PTPRA: variants seen among roughly 807,000 people sequenced by gnomAD.
The protein encoded by PTPRA is protein tyrosine phosphatase receptor type A.
Under a neutral mutation model 104.8 loss-of-function variants are expected in PTPRA, and 25 were observed. The observed-to-expected ratio is 0.24, with a 90% CI of 0.17 to 0.33. The LOEUF (loss-of-function observed/expected upper bound fraction) is 0.33. PTPRA is among the 10% of genes least tolerant of loss of function. The probability of loss-of-function intolerance (pLI) is 1.00; values close to 1 mark genes in which losing one functional copy is unlikely to be tolerated. For synonymous variants in PTPRA, 323 were observed against 368.9 expected (o/e 0.88, Z 1.43); for missense variants, 765 against 1,015.3 (o/e 0.75, Z 3.35).
intron 1 of PTPRA, among the ~76,000 whole-genome samples, chr20:2,915,487 A>G (rs1426583457): frequency 1.3e-4 from 2 of 14,872 alleles, no homozygotes; most frequent in Non-Finnish European, 2.3e-4. Context: ...ACTGAATTGT[A>G]AGAGTTCTTT....
intron 5 of PTPRA, among the ~76,000 whole-genome samples, chr20:2,970,979 A>G (rs2062162159): frequency 6.6e-6 from 1 of 152,130 alleles, no homozygotes; most frequent in Non-Finnish European, 1.5e-5. Context: ...GAATTCAGAT[A>G]TTTATTTACC....
chr20:2,881,311 CAAA>C (rs753937627), intron 1 of PTPRA, among the ~76,000 whole-genome samples: 1 of 121,168 alleles, frequency 8.3e-6, no homozygotes, highest in Non-Finnish European at 1.8e-5. Flanking sequence ...ACTCTGTCTC[CAAA>C]AAAAAAAAAG....
chr20:2,873,236 G>T (rs140042403), upstream of PTPRA, among the ~76,000 whole-genome samples: 1,433 of 152,282 alleles, frequency 9.4e-3, 22 homozygotes, highest in African/African-American at 0.032. This position sits in a 1 kb window ranked among gnomAD's most constrained non-coding sequence, Gnocchi z 4.4. Context: ...AATGGCTGAA[G>T]GCACTGGTGC....
intron 11 of PTPRA, among the ~76,000 whole-genome samples, chr20:3,011,704 G>A (rs1054593117): frequency 6.6e-6 from 1 of 152,212 alleles, no homozygotes; most frequent in Non-Finnish European, 1.5e-5. Context: ...GTGTCCATTG[G>A]AGTTCTTACT....
intron 1 of PTPRA, among the ~76,000 whole-genome samples, chr20:2,900,247 C>T (rs1458640033): frequency 6.6e-6 from 1 of 152,128 alleles, no homozygotes; most frequent in Non-Finnish European, 1.5e-5. Context: ...TGCCTCAAGC[C>T]ATCCTCTCGC....
At chr20:2,889,247 A>C (rs1419467378) in intron 1 of PTPRA, among the ~76,000 whole-genome samples, 1 of 152,194 alleles carries the variant, frequency 6.6e-6, no homozygotes, top group East Asian at 1.9e-4. Flanking sequence ...AGAAATAAGA[A>C]TAGTAATTTT....
chr20:2,987,747 T>C (rs191528207), intron 7 of PTPRA, among the ~76,000 whole-genome samples: 200 of 152,306 alleles, frequency 1.3e-3, no homozygotes, highest in Non-Finnish European at 2.3e-3. Context: ...TCACCCTCTC[T>C]CTACCTGGTG....
intron 6 of PTPRA, among the ~76,000 whole-genome samples, chr20:2,980,876 T>C (rs2062645634): frequency 6.6e-6 from 1 of 152,208 alleles, no homozygotes; most frequent in African/African-American, 2.4e-5. Flanking sequence ...TAGGTGTCCC[T>C]TCATCCCTTC....
chr20:2,865,045 T>G, the PTPRA span: 16 of 1,614,038 alleles, frequency 9.9e-6, no homozygotes, highest in African/African-American at 1.9e-4. This position sits in a 1 kb window ranked among gnomAD's most constrained non-coding sequence, Gnocchi z 5.2. Flanking sequence ...AAGAATGAGT[T>G]TGCAGCCAAG....
chr20:2,898,789 C>T (rs985633346), intron 1 of PTPRA, among the ~76,000 whole-genome samples: 7 of 151,812 alleles, frequency 4.6e-5, no homozygotes, highest in Non-Finnish European at 1.0e-4. Flanking sequence ...ACCCGGGAGG[C>T]GGAGGTTGCA....
chr20:2,943,218 C>CG (rs201014940), intron 2 of PTPRA, among the ~76,000 whole-genome samples: 6 of 146,802 alleles, frequency 4.1e-5, no homozygotes, highest in East Asian at 4.1e-4. Flanking sequence ...CCCCCACCCC[C>CG]CCCCCAGATA....
At chr20:2,937,766 T>C (rs1345561338) in intron 2 of PTPRA, among the ~76,000 whole-genome samples, 2 of 152,222 alleles carry the variant, frequency 1.3e-5, no homozygotes, top group Admixed American at 1.3e-4. Context: ...GACACATTTT[T>C]AGTTTTGTTC....
intron 9 of PTPRA, among the ~76,000 whole-genome samples, chr20:2,995,567 G>A (rs902456676): frequency 9.9e-5 from 15 of 152,068 alleles, no homozygotes; most frequent in African/African-American, 3.6e-4. Context: ...AGAGATTTTT[G>A]GAAATTAACT....
intron 3 of PTPRA, among the ~76,000 whole-genome samples, chr20:2,953,918 ATTT>A (rs768214041): frequency 3.8e-5 from 5 of 131,270 alleles, no homozygotes; most frequent in Admixed American, 7.7e-5. Flanking sequence ...TGTTTTTACT[ATTT>A]TTTTTTTTTT....
chr20:2,949,205 T>C (rs2061265995), intron 3 of PTPRA, among the ~76,000 whole-genome samples: 2 of 152,104 alleles, frequency 1.3e-5, no homozygotes, highest in African/African-American at 4.8e-5. Context: ...TGCAAATCAG[T>C]GGCTATTTTT....
chr20:3,031,625 A>G (rs551844321), intron 20 of PTPRA, among the ~76,000 whole-genome samples: 3 of 152,268 alleles, frequency 2.0e-5, no homozygotes, highest in Non-Finnish European at 2.9e-5. Context: ...TCAACAAGGC[A>G]TCCGCCCTGT....
At chr20:2,982,252 G>A (rs973384943) in intron 6 of PTPRA, among the ~76,000 whole-genome samples, 7 of 151,916 alleles carry the variant, frequency 4.6e-5, no homozygotes, top group Middle Eastern at 3.4e-3. Flanking sequence ...CACCACACCC[G>A]CTAATTTTGT....
intron 11 of PTPRA, among the ~76,000 whole-genome samples, chr20:3,012,403 T>C (rs2064218194): frequency 6.6e-6 from 1 of 152,172 alleles, no homozygotes; most frequent in Admixed American, 6.5e-5. Flanking sequence ...TTGATTTATA[T>C]ATGAGAGAGT....
At chr20:2,912,453 G>C (rs781228117) in intron 1 of PTPRA, among the ~76,000 whole-genome samples, 3 of 151,740 alleles carry the variant, frequency 2.0e-5, no homozygotes, top group African/African-American at 7.3e-5. Flanking sequence ...GCGAAACTCC[G>C]TCTCTACAAA....
Sources: gnomAD v4.1 joint callset for allele counts (sites outside exome capture counted in the v4.1 genomes callset) on GRCh38, gnomAD v4.1.1 for gene constraint, Gnocchi (gnomAD v3.1) non-coding constraint, MANE v1.5 for transcripts, NCBI Gene and HGNC (gene_info 2026-07-23, HGNC 2026-07-21) for gene names.